RPA1: variants seen among roughly 807,000 people sequenced by gnomAD.
The protein encoded by RPA1 is replication protein A1.
A neutral mutation model predicts 83.0 loss-of-function variants in RPA1; 49 were observed. That is an observed-to-expected ratio of 0.59 (90% CI 0.47 to 0.75). The LOEUF (loss-of-function observed/expected upper bound fraction) is 0.75. Ranked by LOEUF, RPA1 falls within the 30% of genes least tolerant of loss-of-function variation. The pLI is 0.00. For synonymous variants in RPA1, 279 were observed against 281.8 expected (o/e 0.99, Z 0.10); for missense variants, 693 against 776.1 (o/e 0.89, Z 1.27).
chr17:1,898,369 G>A lies in RPA1; in HGVS notation c.*1194G>A, dbSNP rs1252820091. On this transcript the variant is annotated 3_prime_UTR_variant, in exon 17 of 17. Transcript: ENST00000254719. ...GCTTTGAAATGTGTACAGACAGTGA[G>A]CTGGTAAGAAAACAGTAATTATGCT... 6.6e-6 allele frequency: 1 copy of A among 152,258 alleles called. No homozygotes were observed. Among genetic ancestry groups the A allele is most frequent in the East Asian group, 1.9e-4 (1 of 5,200 alleles). 9.4% of individuals were successfully genotyped at this position (152,258 alleles called of 1,614,324 possible). A position where few individuals can be genotyped will look rare whatever the true frequency, so the allele number is the denominator to read the frequency against.
chr17:1,831,744 A>T (rs921202689), intron 1 of RPA1, among the ~76,000 whole-genome samples: 1 of 149,756 alleles, frequency 6.7e-6, no homozygotes, highest in Non-Finnish European at 1.5e-5. Flanking sequence ...GACTACAGGT[A>T]CCCGCCACCA....
At chr17:1,858,403 C>T (rs1297347565) in intron 5 of RPA1, 64 of 1,588,650 alleles carry the variant, frequency 4.0e-5, no homozygotes, top group South Asian at 3.6e-4. Flanking sequence ...AAAGTGGGCT[C>T]GGAGGCAATG....
chr17:1,899,481 TAAAA>T lies in RPA1; in HGVS notation c.*2307_*2310del, dbSNP rs1914570743. On this transcript the variant is annotated 3_prime_UTR_variant, in exon 17 of 17. Coordinates refer to ENST00000254719, the MANE Select transcript of RPA1 (RefSeq NM_002945.5). The stretch of plus-strand genomic sequence containing the variant: ...ATTGTGAAAGGGGCAGGGAAAAAAA[TAAAA>T]GGGTAATAATCTGATTTCTGTCCAT... 6.6e-6 allele frequency: 1 copy of T among 152,070 alleles called. No homozygotes were observed. The highest frequency in any genetic ancestry group is 2.1e-4 in the South Asian group (1 of 4,814). 9.4% of individuals were successfully genotyped at this position (152,070 alleles called of 1,614,324 possible).
chr17:1,867,432 C>T (rs1465500224), intron 5 of RPA1, among the ~76,000 whole-genome samples: 1 of 152,092 alleles, frequency 6.6e-6, no homozygotes, highest in African/African-American at 2.4e-5. Context: ...ATGGGCTGGG[C>T]TCAGTGGCTC....
Position 1,875,101 on chromosome 17 carries a change from A to C in RPA1, c.455-560A>C, listed in dbSNP as rs921042039. On this transcript the variant is annotated intron_variant, in intron 6 of 16. Transcript: ENST00000254719. ...ACCCACTTAACATATCTTGACCAAA[A>C]ACTGATTCCTGCCCTTTGCACCCGA... Among the ~76,000 whole-genome samples, 8 of 152,288 alleles carry C rather than the reference A, an allele frequency of 5.3e-5. No homozygotes were observed. In the East Asian group the frequency reaches 9.6e-4, roughly 18 times the overall value.
chr17:1,836,205 A>G, intron 1 of RPA1, among the ~76,000 whole-genome samples: 1 of 151,902 alleles, frequency 6.6e-6, no homozygotes, highest in Admixed American at 6.6e-5. Flanking sequence ...TCTGCCTCCC[A>G]GGTTCAAGCA....
At chr17:1,846,065 T>C (rs932846334) in intron 4 of RPA1, among the ~76,000 whole-genome samples, 1 of 152,224 alleles carries the variant, frequency 6.6e-6, no homozygotes, top group African/African-American at 2.4e-5. Context: ...GCTGTTCTTT[T>C]TTCCTACCTC....
chr17:1,832,382 AATT>A (rs922648991), intron 1 of RPA1, among the ~76,000 whole-genome samples: 7 of 151,162 alleles, frequency 4.6e-5, no homozygotes, highest in Non-Finnish European at 1.0e-4. Context: ...TCACTTATTG[AATT>A]ATTTATTTTT....
intron 14 of RPA1, among the ~76,000 whole-genome samples, chr17:1,890,254 C>T (rs141648855): frequency 1.6e-3 from 238 of 152,178 alleles, no homozygotes; most frequent in Middle Eastern, 6.8e-3. Context: ...GTCCCAGCTA[C>T]TCATGAGGCT....
intron 13 of RPA1, among the ~76,000 whole-genome samples, chr17:1,888,024 C>T (rs934799114): frequency 5.3e-5 from 8 of 152,170 alleles, no homozygotes; most frequent in African/African-American, 1.9e-4. Flanking sequence ...TGCCACAAGT[C>T]TTCAATCTGT....
At chr17:1,858,768 G>A (rs1294565929) in intron 5 of RPA1, among the ~76,000 whole-genome samples, 3 of 151,914 alleles carry the variant, frequency 2.0e-5, no homozygotes, top group Non-Finnish European at 2.9e-5. Flanking sequence ...CCAGCCAAAT[G>A]TGGGTATTTT....
At chr17:1,873,939 G>C (rs1347587149) in intron 6 of RPA1, among the ~76,000 whole-genome samples, 1 of 143,528 alleles carries the variant, frequency 7.0e-6, no homozygotes, top group Non-Finnish European at 1.5e-5. Flanking sequence ...GTTGCAGTGA[G>C]CCAAGTTTGC....
chr17:1,844,087 T>C, intron 3 of RPA1, 89 bp downstream of exon 3: 3 of 1,128,892 alleles, frequency 2.7e-6, no homozygotes, highest in Non-Finnish European at 4.0e-6. Flanking sequence ...TTGGGGGCAT[T>C]CGTGAAGTCC....
chr17:1,857,862 G>A (rs1334235964), intron 5 of RPA1, among the ~76,000 whole-genome samples: 1 of 142,898 alleles, frequency 7.0e-6, no homozygotes, highest in African/African-American at 2.6e-5. Context: ...GGGAAAACTA[G>A]ACCGTTTTCC....
chr17:1,830,197 G>T, intron 1 of RPA1, 71 bp downstream of exon 1: 2 of 1,171,656 alleles, frequency 1.7e-6, no homozygotes, highest in Admixed American at 4.2e-5. Context: ...GAGTAGAGAG[G>T]GGGAGGGGAG....
At chr17:1,890,157 G>T (rs1041247303) in intron 14 of RPA1, among the ~76,000 whole-genome samples, 59 of 151,884 alleles carry the variant, frequency 3.9e-4, no homozygotes, top group African/African-American at 1.4e-3. Flanking sequence ...ATTGCTTGAG[G>T]CTGGGAGTTC....
At position 1,869,978 on chromosome 17, in the gene RPA1, C is replaced by T. The variant is rs149520513; in HGVS notation, c.362-2456C>T. Among the ~76,000 whole-genome samples the T allele has an allele frequency of 3.9e-5, 6 of 152,146 alleles. No individual in the cohort carries two copies. The East Asian group carries it at 5.8e-4, about 15-fold the overall frequency. On this transcript the variant is annotated intron_variant, in intron 5 of 16. Transcript: ENST00000254719. ...TTACCAGATCTCACAACTAGAGTTG[C>T]GGCTGCCAGAATTGGTCGTTCACAG...
At chr17:1,849,289 CTTTTTTTTTTTT>C (rs61062085) in intron 4 of RPA1, among the ~76,000 whole-genome samples, 2 of 116,316 alleles carry the variant, frequency 1.7e-5, no homozygotes, top group African/African-American at 3.4e-5. Context: ...GTTGGCTGTT[CTTTTTTTTTTTT>C]TTTTTTTTTG....
At chr17:1,848,538 G>A (rs960093854) in intron 4 of RPA1, among the ~76,000 whole-genome samples, 7 of 151,888 alleles carry the variant, frequency 4.6e-5, no homozygotes, top group African/African-American at 1.7e-4. Flanking sequence ...TTCAACCCGG[G>A]AGGCAGAAGT....
Sources: allele counts gnomAD v4.1 joint callset (sites outside exome capture counted in the v4.1 genomes callset), GRCh38; gene constraint gnomAD v4.1.1; transcripts MANE v1.5; gene names NCBI Gene and HGNC (gene_info 2026-07-23, HGNC 2026-07-21).